The following SIL1 variants were observed in gnomAD, a reference collection of about 807,000 sequenced individuals.
The protein encoded by SIL1 is SIL1 nucleotide exchange factor, also known as nucleotide exchange factor SIL1.
In SIL1, 40 loss-of-function variants were observed where a neutral mutation model predicts 49.1. The observed-to-expected ratio is 0.81, with a 90% CI of 0.63 to 1.06. The LOEUF is 1.06. SIL1 is among the 50% of genes least tolerant of loss of function. The probability of loss-of-function intolerance (pLI) is 0.00; values close to 1 mark genes in which losing one functional copy is unlikely to be tolerated. For missense variants in SIL1, 500 were observed against 572.6 expected, an observed-to-expected ratio of 0.87 and a Z score of 1.29; for synonymous variants, 253 against 250.8, an observed-to-expected ratio of 1.01 and a Z score of -0.08.
chr5:138,986,685 G>C (rs1280963954), intron 7 of SIL1, among the ~76,000 whole-genome samples: 1 of 152,146 alleles, frequency 6.6e-6, no homozygotes, highest in Non-Finnish European at 1.5e-5. Flanking sequence ...CATCTGTCTT[G>C]CCTCCTTCGG....
At chr5:138,960,258 A>G (rs1766989247) in intron 7 of SIL1, among the ~76,000 whole-genome samples, 1 of 152,136 alleles carries the variant, frequency 6.6e-6, no homozygotes, top group Admixed American at 6.5e-5. Context: ...CCACATCTTC[A>G]CATGAGAACC....
intron 3 of SIL1, among the ~76,000 whole-genome samples, chr5:139,091,047 C>T (rs1035695033): frequency 1.3e-5 from 2 of 151,986 alleles, no homozygotes; most frequent in African/African-American, 4.8e-5. Context: ...AAAATGAAAA[C>T]ATATAAGTAC....
intron 1 of SIL1, among the ~76,000 whole-genome samples, chr5:139,147,535 C>T (rs1291033940): frequency 6.6e-6 from 1 of 152,182 alleles, no homozygotes; most frequent in African/African-American, 2.4e-5. Context: ...AAGAGCCCAT[C>T]CCATTAACAA....
Position 138,947,039 on chromosome 5 carries a change from TC to T in SIL1, c.*77del. On this transcript the variant is annotated 3_prime_UTR_variant, in exon 10 of 10. Coordinates refer to ENST00000394817, the MANE Select transcript of SIL1 (RefSeq NM_022464.5). This position sits in a 1 kb window ranked among gnomAD's most constrained non-coding sequence, Gnocchi z 4.1. ...CCAAGCCAGCACTGCCAAGATGTCC[TC>T]CTGCCTGAGAAGCCCACCCACGCTG... The T allele has an allele frequency of 9.1e-7, 1 of 1,103,424 alleles. No homozygotes were observed. Among genetic ancestry groups the T allele is most frequent in the Non-Finnish European group, 1.4e-6 (1 of 735,194 alleles). The allele number at this position is 1,103,424 out of a possible 1,614,324, so 68.4% of individuals were successfully genotyped here.
intron 1 of SIL1, among the ~76,000 whole-genome samples, chr5:139,147,636 C>G (rs1186216018): frequency 2.0e-5 from 3 of 152,194 alleles, no homozygotes; most frequent in Non-Finnish European, 2.9e-5. Context: ...GTTCTCTCTT[C>G]CCCTCCTCCA....
At chr5:138,994,293 A>G (rs1767817215) in intron 7 of SIL1, among the ~76,000 whole-genome samples, 1 of 152,232 alleles carries the variant, frequency 6.6e-6, no homozygotes, top group Non-Finnish European at 1.5e-5. Flanking sequence ...GACATCAGCA[A>G]GTTTGTTGGC....
At chr5:139,030,439 T>C (rs1018981215) in intron 5 of SIL1, among the ~76,000 whole-genome samples, 1 of 151,660 alleles carries the variant, frequency 6.6e-6, no homozygotes, top group Non-Finnish European at 1.5e-5. Context: ...ATCATACCAC[T>C]GTACTCCCGT....
At chr5:139,031,690 G>A (rs1768796471) in intron 5 of SIL1, among the ~76,000 whole-genome samples, 1 of 152,154 alleles carries the variant, frequency 6.6e-6, no homozygotes, top group African/African-American at 2.4e-5. Flanking sequence ...TACATTCAGA[G>A]AGAGTTAACA....
chr5:139,173,210 G>A (rs1751810344), intron 1 of SIL1, among the ~76,000 whole-genome samples: 1 of 152,088 alleles, frequency 6.6e-6, no homozygotes, highest in African/African-American at 2.4e-5. Context: ...GATGTTAAAT[G>A]TAATGCCCAT....
At chr5:139,045,287 G>A (rs1032501977) in intron 4 of SIL1, among the ~76,000 whole-genome samples, 3 of 152,178 alleles carry the variant, frequency 2.0e-5, no homozygotes, top group Non-Finnish European at 4.4e-5. Flanking sequence ...AGCCCAGGCT[G>A]TAGTGAGCCA....
intron 1 of SIL1, among the ~76,000 whole-genome samples, chr5:139,169,883 T>TG (rs70982755): frequency 3.9e-5 from 6 of 151,918 alleles, no homozygotes; most frequent in South Asian, 4.2e-4. Flanking sequence ...GGTCTCCCTC[T>TG]CCCTCTCTCT....
intron 3 of SIL1, among the ~76,000 whole-genome samples, chr5:139,066,861 C>T (rs1581073840): frequency 1.3e-5 from 2 of 152,280 alleles, no homozygotes; most frequent in East Asian, 3.9e-4. Context: ...ATGCACACCA[C>T]ACCCAGATAA....
At chr5:139,134,164 C>T (rs1750925060) in intron 1 of SIL1, among the ~76,000 whole-genome samples, 2 of 152,210 alleles carry the variant, frequency 1.3e-5, no homozygotes, top group Non-Finnish European at 2.9e-5. Context: ...GTCACCCAGG[C>T]TGGAGTGCAA....
chr5:139,073,214 T>A (rs1035450395), intron 3 of SIL1, among the ~76,000 whole-genome samples: 1 of 152,092 alleles, frequency 6.6e-6, no homozygotes, highest in Admixed American at 6.6e-5. Context: ...TAAATAACCA[T>A]AGGAAATAAA....
At chr5:138,992,745 G>A (rs1253812049) in intron 7 of SIL1, among the ~76,000 whole-genome samples, 2 of 152,030 alleles carry the variant, frequency 1.3e-5, no homozygotes, top group Non-Finnish European at 2.9e-5. Flanking sequence ...AGGGATAAAA[G>A]ACTACACACA....
intron 5 of SIL1, among the ~76,000 whole-genome samples, chr5:139,033,198 T>C (rs530503139): frequency 3.9e-5 from 6 of 152,186 alleles, no homozygotes; most frequent in Middle Eastern, 3.4e-3. Context: ...TTTCACCATA[T>C]TAGCCAGACT....
At chr5:139,121,239 GC>G in intron 2 of SIL1, 66 bp from the exon 3 acceptor site, 1 of 1,607,672 alleles carries the variant, frequency 6.2e-7, no homozygotes, top group South Asian at 1.1e-5. Flanking sequence ...AAAAAAAATG[GC>G]CTAGGGTGGC....
intron 3 of SIL1, among the ~76,000 whole-genome samples, chr5:139,107,719 A>G (rs930368493): frequency 1.6e-4 from 24 of 152,168 alleles, no homozygotes; most frequent in Non-Finnish European, 2.8e-4. Flanking sequence ...CTGTACCTCA[A>G]TTTGGGTTCA....
chr5:139,113,466 A>C (rs754258859), intron 3 of SIL1, among the ~76,000 whole-genome samples: 1 of 147,002 alleles, frequency 6.8e-6, no homozygotes, highest in Admixed American at 6.8e-5. Context: ...TCCCTTACAC[A>C]CACCTGCCAC....
Sources: gnomAD v4.1 joint callset for allele counts (sites outside exome capture counted in the v4.1 genomes callset) on GRCh38, gnomAD v4.1.1 for gene constraint, Gnocchi (gnomAD v3.1) non-coding constraint, MANE v1.5 for transcripts, NCBI Gene and HGNC (gene_info 2026-07-23, HGNC 2026-07-21) for gene names.